EIF4G3: variants seen among roughly 807,000 people sequenced by gnomAD.
The protein encoded by EIF4G3 is eukaryotic translation initiation factor 4 gamma 3.
In EIF4G3, 34 loss-of-function variants were observed where a neutral mutation model predicts 186.4. That is an observed-to-expected ratio of 0.18 (90% confidence interval 0.14 to 0.24). The LOEUF (loss-of-function observed/expected upper bound fraction) is 0.24. EIF4G3 is among the 10% of genes least tolerant of loss of function. The pLI is 1.00. For synonymous variants in EIF4G3, 673 were observed against 679.5 expected, an observed-to-expected ratio of 0.99 and a Z score of 0.15; for missense variants, 1,536 against 1,948.5, an observed-to-expected ratio of 0.79 and a Z score of 3.99.
intron 32 of EIF4G3, 63 bp from the exon 33 acceptor site, chr1:20,825,261 A>AAG: frequency 8.2e-7 from 1 of 1,223,518 alleles, no homozygotes; most frequent in Admixed American, 2.5e-5. Context: ...GAAAAAAAAA[A>AAG]AAAAAAAAAG....
intron 33 of EIF4G3, among the ~76,000 whole-genome samples, chr1:20,819,667 C>T (rs1002957795): frequency 2.0e-5 from 3 of 152,190 alleles, no homozygotes; most frequent in South Asian, 2.1e-4. Flanking sequence ...GGGAACAACA[C>T]ACACGAACCT....
At chr1:20,836,408 A>C (rs1238478107) in intron 30 of EIF4G3, among the ~76,000 whole-genome samples, 1 of 151,788 alleles carries the variant, frequency 6.6e-6, no homozygotes, top group Non-Finnish European at 1.5e-5. Context: ...ATGCACAGCC[A>C]ATTTTTTTGT....
chr1:21,053,339 G>A (rs2094367116), intron 3 of EIF4G3, among the ~76,000 whole-genome samples: 1 of 151,884 alleles, frequency 6.6e-6, no homozygotes, highest in Non-Finnish European at 1.5e-5. Context: ...GAGCGTCTCC[G>A]CCCAGCAGCC....
chr1:21,147,635 C>A (rs1364761842), intron 2 of EIF4G3, among the ~76,000 whole-genome samples: 1 of 152,034 alleles, frequency 6.6e-6, no homozygotes, highest in Non-Finnish European at 1.5e-5. Context: ...CCAACCTTTG[C>A]TAAGTTTTGA....
intron 2 of EIF4G3, among the ~76,000 whole-genome samples, chr1:21,105,374 G>T (rs2096597533): frequency 6.6e-6 from 1 of 151,610 alleles, no homozygotes; most frequent in African/African-American, 2.4e-5. Context: ...AGGTTGCAGT[G>T]AGCCGCGATT....
rs2084115775 is a variant in EIF4G3 at position 20,886,283 on chromosome 1, T to C, written c.2342A>G (p.His781Arg). ...CCAGGCATTTTCTGCCTTTTTCAGG[T>C]GTACATCTTCTTTTACAGAAACTGT... is the stretch of plus-strand genomic sequence containing the variant. ...IITVSVKEDVHLKKAENAWKP... is the reference protein window; with the variant it reads ...IITVSVKEDVRLKKAENAWKP... The change falls in exon 19 of 37, where the codon CAC (histidine) becomes CGC (arginine). Residue 781 changes from histidine to arginine, a missense_variant. His to Arg is a conservative substitution (Grantham distance 29). Around this residue, in one of 11 missense-constraint regions of EIF4G3, gnomAD observed 139 missense variants for 192.8 expected, o/e 0.72. Coordinates refer to ENST00000602326, the MANE Select transcript of EIF4G3 (RefSeq NM_001391906.1). 6.2e-7 allele frequency: 1 copy of C among 1,614,148 alleles called. No homozygotes were observed. The highest frequency in any genetic ancestry group is 2.2e-5 in the East Asian group (1 of 44,880).
At chr1:20,985,929 T>A (rs2154567215) in intron 7 of EIF4G3, among the ~76,000 whole-genome samples, 1 of 152,292 alleles carries the variant, frequency 6.6e-6, no homozygotes, top group South Asian at 2.1e-4. Flanking sequence ...TCTCCCTATA[T>A]CACCTATCCA....
chr1:20,920,379 T>C (rs988223853), intron 14 of EIF4G3, among the ~76,000 whole-genome samples: 2 of 152,200 alleles, frequency 1.3e-5, no homozygotes, highest in Non-Finnish European at 2.9e-5. Context: ...AGATATGAGA[T>C]AGCCTATTAA....
intron 2 of EIF4G3, 190 bp downstream of exon 2, chr1:21,175,985 T>C: frequency 3.8e-6 from 1 of 260,178 alleles, no homozygotes; most frequent in Non-Finnish European, 7.2e-6. Context: ...GCAGAGGGTC[T>C]GGGGGTCCCC....
At chr1:20,817,603 A>G in intron 33 of EIF4G3, 65 bp from the exon 34 acceptor site, 2 of 1,066,496 alleles carry the variant, frequency 1.9e-6, no homozygotes, top group Non-Finnish European at 2.5e-6. Flanking sequence ...TCATCCTGAG[A>G]GAAGAACAAA....
intron 12 of EIF4G3, among the ~76,000 whole-genome samples, chr1:20,962,944 G>A (rs772871246): frequency 3.4e-5 from 5 of 148,590 alleles, no homozygotes; most frequent in African/African-American, 5.0e-5. Flanking sequence ...GAGAGACAAG[G>A]TCTTGCTATG....
intron 13 of EIF4G3, among the ~76,000 whole-genome samples, chr1:20,949,572 T>A (rs2096115500): frequency 6.6e-6 from 1 of 152,330 alleles, no homozygotes; most frequent in African/African-American, 2.4e-5. Context: ...CATCTCCAAA[T>A]GTGGCTATAG....
chr1:20,950,260 T>A (rs2096149406), intron 12 of EIF4G3, 149 bp from the exon 13 acceptor site: 1 of 486,754 alleles, frequency 2.1e-6, no homozygotes, highest in Non-Finnish European at 3.5e-6. Context: ...TAGTCCAATT[T>A]AATAAATTCA....
At chr1:20,841,122 C>T (rs905964557) in intron 29 of EIF4G3, 94 bp from the exon 30 acceptor site, 12 of 1,281,786 alleles carry the variant, frequency 9.4e-6, no homozygotes, top group Non-Finnish European at 1.3e-5. Context: ...ACAACAGAAT[C>T]AGTAGAAACT....
At chr1:21,054,341 G>GGAAGGCCA (rs1557735220) in intron 3 of EIF4G3, among the ~76,000 whole-genome samples, 1 of 134,614 alleles carries the variant, frequency 7.4e-6, no homozygotes, top group African/African-American at 2.6e-5. Flanking sequence ...GCGGAAGGCC[G>GGAAGGCCA]CAGGGTCCTC....
In EIF4G3 at chr1:20,937,966, A is replaced by G. The variant is rs566308266; in HGVS notation, c.1663+3525T>C. On this transcript the variant is annotated intron_variant, in intron 14 of 36. Transcript: ENST00000602326. Reference sequence around the variant, plus strand: ...TATACACACCAAATTCTAATTTTACAGAGCTTGTTCTTCAATCCGAAAACA... The same window carrying G: ...TATACACACCAAATTCTAATTTTACGGAGCTTGTTCTTCAATCCGAAAACA... Among the ~76,000 whole-genome samples, 3 of 152,222 alleles carry G rather than the reference A, an allele frequency of 2.0e-5. No homozygotes were observed. The East Asian group carries it at 5.8e-4, about 29-fold the overall frequency.
At chr1:20,864,416 AAG>A in intron 22 of EIF4G3, 58 bp downstream of exon 22, 1 of 1,208,322 alleles carries the variant, frequency 8.3e-7, no homozygotes, top group Non-Finnish European at 1.2e-6. Context: ...TTGACAGTCT[AAG>A]TTCTTTTGCA....
chr1:20,939,708 G>C (rs2095641648), intron 14 of EIF4G3, among the ~76,000 whole-genome samples: 1 of 151,816 alleles, frequency 6.6e-6, no homozygotes, highest in African/African-American at 2.4e-5. Flanking sequence ...TTGTTCATTA[G>C]TTTCTCTCAT....
At chr1:20,961,790 T>C (rs1235557772) in intron 12 of EIF4G3, among the ~76,000 whole-genome samples, 1 of 152,218 alleles carries the variant, frequency 6.6e-6, no homozygotes, top group East Asian at 1.9e-4. Context: ...TTACATATTA[T>C]TGAAAAGAAC....
Sources: allele counts gnomAD v4.1 joint callset (sites outside exome capture counted in the v4.1 genomes callset), GRCh38; gene constraint gnomAD v4.1.1; regional missense constraint gnomAD v4.1.1; transcripts MANE v1.5; gene names NCBI Gene and HGNC (gene_info 2026-07-23, HGNC 2026-07-21).